ADCY5: variants seen among roughly 807,000 people sequenced by gnomAD.
ADCY5 encodes adenylate cyclase type 5.
In ADCY5, 30 loss-of-function variants were observed where a neutral mutation model predicts 119.7. The observed-to-expected ratio is 0.25, with a 90% CI of 0.19 to 0.34. The LOEUF (loss-of-function observed/expected upper bound fraction) is 0.34, where lower values mean the gene tolerates loss of function less well. ADCY5 is among the 10% of genes least tolerant of loss of function. The probability of loss-of-function intolerance (pLI) is 1.00; values close to 1 mark genes in which losing one functional copy is unlikely to be tolerated. For synonymous variants in ADCY5, 753 were observed against 762.2 expected (o/e 0.99, Z 0.20); for missense variants, 1,324 against 1,775.2 (o/e 0.75, Z 4.57).
intron 1 of ADCY5, among the ~76,000 whole-genome samples, chr3:123,403,647 T>C (rs62262406): frequency 0.27 from 40,754 of 151,928 alleles, 5,536 homozygotes; most frequent in Middle Eastern, 0.35. Flanking sequence ...CCAATCCCCC[T>C]CAACACCACT....
Position 123,289,116 on chromosome 3 carries a change from T to C in ADCY5, c.3532+634A>G, listed in dbSNP as rs536987142. Reference sequence around the variant, plus strand: ...TAATCATTTCACGGTCACTATCACATGATTCTTTAAATGTTTAGTTTTTTA... The same window carrying C: ...TAATCATTTCACGGTCACTATCACACGATTCTTTAAATGTTTAGTTTTTTA... On this transcript the variant is annotated intron_variant, in intron 19 of 20. Coordinates refer to ENST00000462833, the MANE Select transcript of ADCY5 (RefSeq NM_183357.3). 2.5e-4 allele frequency among the ~76,000 whole-genome samples: 38 copies of C among 152,370 alleles called. No individual in the cohort carries two copies. In the South Asian group the frequency reaches 5.6e-3, roughly 22 times the overall value.
chr3:123,444,420 A>G (rs1945777593), intron 1 of ADCY5, among the ~76,000 whole-genome samples: 1 of 151,938 alleles, frequency 6.6e-6, no homozygotes, highest in South Asian at 2.1e-4. Flanking sequence ...GAGGGAAGAG[A>G]AAGGAAGTCA....
rs371378687 is a variant in ADCY5, at chr3:123,398,090, G to A, written c.1135-45509C>T. On this transcript the variant is annotated intron_variant, in intron 1 of 20. Transcript: ENST00000462833. ...TGGGTTACTCTACTGCCTCAGCCCT[G>A]CAGCACCAAAGCAACCATCTGCTGC... is the stretch of plus-strand genomic sequence containing the variant. Among the ~76,000 whole-genome samples the A allele has an allele frequency of 6.6e-5, 10 of 152,304 alleles. No homozygotes were observed. The East Asian group carries it at 1.2e-3, about 18-fold the overall frequency.
chr3:123,398,062 G>T (rs979940546), intron 1 of ADCY5, among the ~76,000 whole-genome samples: 4 of 152,178 alleles, frequency 2.6e-5, no homozygotes, highest in African/African-American at 9.7e-5. Context: ...GCACCCCTTT[G>T]TCTGGGTTAC....
chr3:123,390,470 T>C (rs1156561956), intron 1 of ADCY5, among the ~76,000 whole-genome samples: 1 of 152,222 alleles, frequency 6.6e-6, no homozygotes, highest in Non-Finnish European at 1.5e-5. Flanking sequence ...GGTGAACAGG[T>C]GGCCTGTGGG....
At chr3:123,295,172 A>G (rs1269495825) in intron 17 of ADCY5, among the ~76,000 whole-genome samples, 1 of 152,242 alleles carries the variant, frequency 6.6e-6, no homozygotes, top group African/African-American at 2.4e-5. Context: ...TCAGCATCCA[A>G]CGAAAAGCAG....
Position 123,284,556 on chromosome 3 carries a change from T to A in ADCY5, c.*52A>T. The A allele has an allele frequency of 1.2e-6, 2 of 1,608,202 alleles. No individual in the cohort carries two copies. The highest frequency in any genetic ancestry group is 2.2e-5 in the South Asian group (2 of 90,742). The stretch of plus-strand genomic sequence containing the variant: ...CGCCACCCCCGGCACACAGAGAAGC[T>A]GCTTCCATGCCTCTGGAGGCCAGGC... On this transcript the variant is annotated 3_prime_UTR_variant, in exon 21 of 21. Transcript: ENST00000462833.
At chr3:123,341,767 C>T (rs1334351464) in intron 3 of ADCY5, among the ~76,000 whole-genome samples, 1 of 152,054 alleles carries the variant, frequency 6.6e-6, no homozygotes, top group Non-Finnish European at 1.5e-5. Flanking sequence ...TTAACTCCCT[C>T]ACTGTGAGGG....
intron 12 of ADCY5, among the ~76,000 whole-genome samples, chr3:123,307,085 A>C (rs1228425769): frequency 6.6e-6 from 1 of 151,472 alleles, no homozygotes; most frequent in African/African-American, 2.4e-5. Context: ...TGTGGTGATC[A>C]GGGCAGGGGG....
At position 123,291,274 on chromosome 3, in the gene ADCY5, C is replaced by T. The variant is rs1221027778; in HGVS notation, c.3166G>A (p.Glu1056Lys). Residue 1056 changes from glutamate (E) to lysine (K), a missense_variant, in exon 18 of 21, where the codon GAG becomes AAG. Glu to Lys is a moderately conservative substitution (Grantham distance 56, BLOSUM62 1). Transcript: ENST00000462833. ...TAGTAGAGCTCATCATTGCGCCGCT[C>T]GCGGGCCAGGAAGTGAGCGGCCACG... ...KDVAAHFLAR[E>K]RRNDELYYQS... 3 of 1,613,982 alleles carry T rather than the reference C, an allele frequency of 1.9e-6. No individual in the cohort carries two copies. Among genetic ancestry groups the T allele is most frequent in the East Asian group, 2.2e-5 (1 of 44,878 alleles).
Position 123,412,609 on chromosome 3 carries a change from C to T in ADCY5, c.1134+34803G>A, listed in dbSNP as rs371368966. 3.3e-5 allele frequency among the ~76,000 whole-genome samples: 5 copies of T among 152,216 alleles called. No individual in the cohort carries two copies. In the East Asian group the frequency reaches 9.7e-4, roughly 29 times the overall value. ...CCTTGGAGGAAGATGTGCTGGGGAG[C>T]TGGGAGTCGGGGTTAATGGGGGTCT... On this transcript the variant is annotated intron_variant, in intron 1 of 20. Transcript: ENST00000462833.
intron 1 of ADCY5, among the ~76,000 whole-genome samples, chr3:123,354,598 G>A (rs1040722643): frequency 6.6e-6 from 1 of 152,190 alleles, no homozygotes; most frequent in African/African-American, 2.4e-5. Context: ...GTAGGCCACA[G>A]GGAATTCTGA....
chr3:123,445,189 T>G (rs1435325157), intron 1 of ADCY5, among the ~76,000 whole-genome samples: 1 of 152,112 alleles, frequency 6.6e-6, no homozygotes, highest in Non-Finnish European at 1.5e-5. Flanking sequence ...TGCAAAAGTC[T>G]AAAGACCACA....
chr3:123,335,976 G>A (rs1286884679), intron 3 of ADCY5, among the ~76,000 whole-genome samples: 2 of 152,260 alleles, frequency 1.3e-5, no homozygotes, highest in Non-Finnish European at 2.9e-5. Flanking sequence ...GTGAGGAGGT[G>A]GAGCAGAGAG....
At chr3:123,361,703 T>C (rs983655928) in intron 1 of ADCY5, among the ~76,000 whole-genome samples, 14 of 152,236 alleles carry the variant, frequency 9.2e-5, no homozygotes, top group African/African-American at 3.4e-4. Flanking sequence ...TTTCATATTT[T>C]GGATTTTTTC....
chr3:123,370,988 T>C (rs1010442213), intron 1 of ADCY5, among the ~76,000 whole-genome samples: 7 of 152,110 alleles, frequency 4.6e-5, no homozygotes, highest in Non-Finnish European at 1.0e-4. Context: ...TGAGCAGTGC[T>C]CCTGACAAGA....
At chr3:123,350,980 G>T (rs2108493494) in intron 2 of ADCY5, among the ~76,000 whole-genome samples, 1 of 152,246 alleles carries the variant, frequency 6.6e-6, no homozygotes, top group South Asian at 2.1e-4. Context: ...TGTGCCAGAG[G>T]CGAGGTACAT....
Position 123,448,863 on chromosome 3 carries a change from T to G in ADCY5, c.-318A>C. On this transcript the variant is annotated 5_prime_UTR_variant, in exon 1 of 21. Transcript: ENST00000462833. ...GCGGAGAGACGTCCGGGATCCTGGC[T>G]CGCGTCGAGCTCGACGAGGGCCGGA... 3 of 259,454 alleles carry G rather than the reference T, an allele frequency of 1.2e-5. No individual in the cohort carries two copies. The highest frequency in any genetic ancestry group is 6.5e-5 in the East Asian group (1 of 15,308). 16.1% of individuals were successfully genotyped at this position (259,454 alleles called of 1,614,324 possible).
intron 1 of ADCY5, among the ~76,000 whole-genome samples, chr3:123,424,990 C>T (rs1025658016): frequency 4.6e-5 from 7 of 152,216 alleles, no homozygotes; most frequent in African/African-American, 1.7e-4. Flanking sequence ...CAGCCAGGGT[C>T]AGGGTCTGTT....
Sources: allele counts gnomAD v4.1 joint callset (sites outside exome capture counted in the v4.1 genomes callset), GRCh38; gene constraint gnomAD v4.1.1; transcripts MANE v1.5; gene names NCBI Gene and HGNC (gene_info 2026-07-23, HGNC 2026-07-21).